The following TMEM187 variants were observed in gnomAD, a reference collection of about 807,000 sequenced individuals.
TMEM187 encodes the protein chromosome X open reading frame 12.
Under a neutral mutation model 11.8 loss-of-function variants are expected in TMEM187, and 14 were observed. The observed-to-expected ratio is 1.18, with a 90% CI of 0.78 to 1.85. The LOEUF is 1.85. TMEM187 is among the 40% of genes most tolerant of loss of function. The pLI is 0.00. For synonymous variants in TMEM187, 112 were observed against 118.5 expected (o/e 0.95, Z 0.36); for missense variants, 227 against 243.9 (o/e 0.93, Z 0.46).
At chrX:153,976,390 G>A (rs1381751580) in intron 1 of TMEM187, among the ~76,000 whole-genome samples, 2 of 111,150 alleles carry the variant, frequency 1.8e-5, no homozygotes, top group Non-Finnish European at 3.8e-5. Flanking sequence ...AATTAGCCAG[G>A]TGTGGTGGCA....
rs782210904 is a variant in TMEM187 at position 153,974,940 on chromosome X, G to C, written c.-214+2080G>C. 2.7e-5 allele frequency among the ~76,000 whole-genome samples: 3 copies of C among 112,196 alleles called. No homozygotes were observed. In the South Asian group the frequency reaches 1.1e-3, roughly 41 times the overall value. ...GAGAAGTGAAATAGCAAACAGGACT[G>C]GTAAAAGGGAGCAGAGGTGCTGGCT... is the stretch of plus-strand genomic sequence containing the variant. On this transcript the variant is annotated intron_variant, in intron 1 of 1. Coordinates refer to ENST00000369982, the MANE Select transcript of TMEM187 (RefSeq NM_003492.3).
chrX:153,977,891 C>CAG (rs1196288004), intron 1 of TMEM187, among the ~76,000 whole-genome samples: 1 of 107,311 alleles, frequency 9.3e-6, no homozygotes, highest in Admixed American at 1.0e-4. Flanking sequence ...GCCTGGACAA[C>CAG]AGTGCAGACA....
At chrX:153,981,348 G>A (rs959452950) in intron 1 of TMEM187, among the ~76,000 whole-genome samples, 2 of 111,301 alleles carry the variant, frequency 1.8e-5, no homozygotes, top group African/African-American at 3.3e-5. Flanking sequence ...GAGGGCAGGC[G>A]AGTGAGCCAG....
At chrX:153,978,218 CAAAAT>C (rs1296155712) in intron 1 of TMEM187, among the ~76,000 whole-genome samples, 9 of 107,521 alleles carry the variant, frequency 8.4e-5, no homozygotes, top group African/African-American at 3.0e-4. Flanking sequence ...CTCAAAAAAA[CAAAAT>C]AAAATGAAGT....
intron 1 of TMEM187, among the ~76,000 whole-genome samples, chrX:153,973,223 TCA>T (rs1169525786): frequency 8.9e-6 from 1 of 112,829 alleles, no homozygotes; most frequent in Admixed American, 9.3e-5. Flanking sequence ...CGTCACCCTC[TCA>T]CACATTTTCA....
chrX:153,983,007 G>A lies in TMEM187; in HGVS notation c.*159G>A. On this transcript the variant is annotated 3_prime_UTR_variant, in exon 2 of 2. Transcript: ENST00000369982. ...GAAGCTGCGGGCTTCGGTGTGGAGGGGTGGAGTGCTGTGATCTCGACAACT... is the reference window on the plus strand; with the variant it reads ...GAAGCTGCGGGCTTCGGTGTGGAGGAGTGGAGTGCTGTGATCTCGACAACT... 13 of 1,061,840 alleles carry A rather than the reference G, an allele frequency of 1.2e-5. No individual in the cohort carries two copies. In the South Asian group the frequency reaches 2.1e-4, roughly 17 times the overall value. The allele number at this position is 1,061,840 out of a possible 1,213,427, so 87.5% of individuals were successfully genotyped here.
intron 1 of TMEM187, among the ~76,000 whole-genome samples, chrX:153,980,895 G>A (rs1226751130): frequency 9.4e-6 from 1 of 106,306 alleles, no homozygotes; most frequent in Non-Finnish European, 1.9e-5. Context: ...CTCTAGCCTG[G>A]GCAACAGAGT....
chrX:153,980,744 C>G (rs1244427334), intron 1 of TMEM187: 1 of 109,662 alleles, frequency 9.1e-6, no homozygotes, highest in African/African-American at 3.3e-5. Context: ...CGTGGTGAAA[C>G]CCCAACTCTA....
chrX:153,974,243 GTGTT>G (rs201145613), intron 1 of TMEM187, among the ~76,000 whole-genome samples: 1,686 of 111,924 alleles, frequency 0.015, 29 homozygotes, highest in African/African-American at 0.052. Flanking sequence ...CAAGTTGACA[GTGTT>G]TGACTCTTGT....
At chrX:153,979,052 T>C (rs1382920270) in intron 1 of TMEM187, among the ~76,000 whole-genome samples, 1 of 111,872 alleles carries the variant, frequency 8.9e-6, no homozygotes, top group Non-Finnish European at 1.9e-5. Flanking sequence ...CCTCCCAAAG[T>C]GTTGGGATTA....
chrX:153,978,258 C>T (rs1193694318), intron 1 of TMEM187, among the ~76,000 whole-genome samples: 1 of 98,967 alleles, frequency 1.0e-5, no homozygotes, highest in African/African-American at 4.0e-5. Flanking sequence ...GCTAAGTGGT[C>T]TGCATATACA....
intron 1 of TMEM187, among the ~76,000 whole-genome samples, chrX:153,976,352 G>A (rs932244456): frequency 9.1e-5 from 10 of 110,309 alleles, no homozygotes; most frequent in Admixed American, 5.8e-4. Flanking sequence ...CCAACATGGC[G>A]AAACCCCATC....
chrX:153,982,403 T>G lies in TMEM187; in HGVS notation c.341T>G (p.Leu114Arg). 8.3e-7 allele frequency: 1 copy of G among 1,200,307 alleles called. No homozygotes were observed. The highest frequency in any genetic ancestry group is 1.7e-5 in the African/African-American group (1 of 57,974). Reference sequence around the variant, plus strand: ...ACGCAGTGGCGCCGTGCCGCGGTGCTGGACCAGTGGCTCACACTGCCCATC... The same window carrying G: ...ACGCAGTGGCGCCGTGCCGCGGTGCGGGACCAGTGGCTCACACTGCCCATC... ...LWTQWRRAAV[L>R]DQWLTLPIFA... The change falls in exon 2 of 2, where the codon CTG (leucine) becomes CGG (arginine). Residue 114 changes from leucine to arginine, a missense_variant. Coordinates refer to ENST00000369982, the MANE Select transcript of TMEM187 (RefSeq NM_003492.3).
intron 1 of TMEM187, among the ~76,000 whole-genome samples, chrX:153,978,072 C>T (rs1381913068): frequency 2.1e-5 from 2 of 97,077 alleles, no homozygotes; most frequent in African/African-American, 7.7e-5. Context: ...AAAAATTAGC[C>T]GGGCTAATTT....
Position 153,982,106 on chromosome X carries a change from C to T in TMEM187, c.44C>T (p.Ala15Val), listed in dbSNP as rs2065604927. 5.8e-6 allele frequency: 7 copies of T among 1,211,745 alleles called. No individual in the cohort carries two copies. The highest frequency in any genetic ancestry group is 7.8e-6 in the Non-Finnish European group (7 of 895,572). ...WGQAFVHVAV[A>V]GGLCAVAVFT... is the part of the protein sequence containing the mutation. Reference sequence around the variant, plus strand: ...CAGGCCTTCGTGCACGTGGCCGTGGCCGGTGGCCTCTGTGCCGTGGCTGTG... The same window carrying T: ...CAGGCCTTCGTGCACGTGGCCGTGGTCGGTGGCCTCTGTGCCGTGGCTGTG... The change falls in exon 2 of 2, where the codon GCC becomes GTC. Residue 15 changes from alanine (A) to valine (V), a missense_variant. Ala to Val is a moderately conservative substitution (Grantham distance 64). Coordinates refer to ENST00000369982, the MANE Select transcript of TMEM187 (RefSeq NM_003492.3).
At chrX:153,976,150 A>G (rs1462174406) in intron 1 of TMEM187, among the ~76,000 whole-genome samples, 1 of 111,947 alleles carries the variant, frequency 8.9e-6, no homozygotes, top group East Asian at 2.8e-4. Context: ...TAGCTAAGAT[A>G]TGGAAGCAAT....
In TMEM187 at chrX:153,980,774, C is replaced by G. The variant is rs190682128; in HGVS notation, c.-213-1076C>G. Among the ~76,000 whole-genome samples the G allele has an allele frequency of 2.7e-5, 3 of 109,437 alleles. No homozygotes were observed. The East Asian group carries it at 8.7e-4, about 32-fold the overall frequency. ...ACTCTACTAAAAATAGAAAAGTTAGCCGGGCATGGTGGTACACGCCTCTAA... is the reference window on the plus strand; with the variant it reads ...ACTCTACTAAAAATAGAAAAGTTAGGCGGGCATGGTGGTACACGCCTCTAA... On this transcript the variant is annotated intron_variant, in intron 1 of 1. Transcript: ENST00000369982.
At chrX:153,978,792 GT>G (rs2065587570) in intron 1 of TMEM187, among the ~76,000 whole-genome samples, 1 of 99,140 alleles carries the variant, frequency 1.0e-5, no homozygotes, top group Non-Finnish European at 2.0e-5. Flanking sequence ...GTTTTGTTTT[GT>G]TTTGTTTTTC....
chrX:153,979,262 C>T (rs892454959), intron 1 of TMEM187, among the ~76,000 whole-genome samples: 10 of 110,102 alleles, frequency 9.1e-5, no homozygotes, highest in Non-Finnish European at 1.7e-4. Context: ...CTCTGTGGCC[C>T]ATAGCTCACT....
Sources: gnomAD v4.1 joint callset for allele counts (sites outside exome capture counted in the v4.1 genomes callset) on GRCh38, gnomAD v4.1.1 for gene constraint, MANE v1.5 for transcripts, NCBI Gene and HGNC (gene_info 2026-07-23, HGNC 2026-07-21) for gene names.